The following PCDHA9 variants were observed in gnomAD, a reference collection of about 807,000 sequenced individuals.
PCDHA9 encodes the protein protocadherin alpha-9.
A neutral mutation model predicts 62.0 loss-of-function variants in PCDHA9; 62 were observed. The ratio of observed to expected loss-of-function variants is 1.00; its 90% CI spans 0.81 to 1.23. The LOEUF (loss-of-function observed/expected upper bound fraction) is 1.23. PCDHA9 is among the 50% of genes most tolerant of loss of function. PCDHA9 has a pLI of 0.00. For synonymous variants in PCDHA9, 557 were observed against 567.6 expected, an observed-to-expected ratio of 0.98 and a Z score of 0.27; for missense variants, 1,205 against 1,249.8, an observed-to-expected ratio of 0.96 and a Z score of 0.54.
intron 1 of PCDHA9, among the ~76,000 whole-genome samples, chr5:140,932,733 C>A (rs2088585680): frequency 1.3e-5 from 2 of 151,034 alleles, no homozygotes; most frequent in Admixed American, 6.6e-5. Context: ...TAATATAGAC[C>A]CTCAAATCAG....
chr5:140,943,357 A>G (rs974685573), intron 1 of PCDHA9, among the ~76,000 whole-genome samples: 3 of 152,026 alleles, frequency 2.0e-5, no homozygotes, highest in Non-Finnish European at 4.4e-5. Flanking sequence ...AGTAGAGGAA[A>G]GGAGATCATT....
intron 1 of PCDHA9, among the ~76,000 whole-genome samples, chr5:140,908,402 T>C (rs2073951162): frequency 6.6e-6 from 1 of 152,166 alleles, no homozygotes; most frequent in Non-Finnish European, 1.5e-5. Flanking sequence ...TATATACCAC[T>C]TCCATTTGAT....
intron 1 of PCDHA9, among the ~76,000 whole-genome samples, chr5:140,924,429 A>G (rs1331551212): frequency 6.6e-6 from 1 of 152,184 alleles, no homozygotes; most frequent in Non-Finnish European, 1.5e-5. Flanking sequence ...CTAGTTCCCT[A>G]GAAGAGATAA....
intron 1 of PCDHA9, among the ~76,000 whole-genome samples, chr5:140,950,426 AC>A (rs386419652): frequency 1.3e-5 from 2 of 151,870 alleles, no homozygotes; most frequent in Admixed American, 6.6e-5. Flanking sequence ...ATTTTCTTCC[AC>A]TTAAAAAAAA....
chr5:140,878,890 T>C (rs1219933788), intron 1 of PCDHA9, among the ~76,000 whole-genome samples: 1 of 152,242 alleles, frequency 6.6e-6, no homozygotes, highest in East Asian at 1.9e-4. Flanking sequence ...TAGCTGAGAC[T>C]ACAGGCAGGC....
rs1554158025 is a variant in PCDHA9, at chr5:140,863,249, T to G, written c.2394+12360T>G. On this transcript the variant is annotated intron_variant, in intron 1 of 3. Transcript: ENST00000532602. ...GTCCCATCGCGGGCTTTGGCGGGCGTCGAGGTCCGGGAGGCAGCGCTGGTG... is the reference window on the plus strand; with the variant it reads ...GTCCCATCGCGGGCTTTGGCGGGCGGCGAGGTCCGGGAGGCAGCGCTGGTG... The G allele has an allele frequency of 2.8e-6, 4 of 1,406,824 alleles. No homozygotes were observed. In the Admixed American group the frequency reaches 7.2e-5, roughly 25 times the overall value. The allele number at this position is 1,406,824 out of a possible 1,614,324, so 87.1% of individuals were successfully genotyped here.
At chr5:140,871,279 C>G in intron 1 of PCDHA9, 2 of 1,613,946 alleles carry the variant, frequency 1.2e-6, no homozygotes, top group Non-Finnish European at 1.7e-6. Flanking sequence ...GTCGGCAACG[C>G]CCACTGAGGG....
At chr5:140,930,003 A>G (rs1440351209) in intron 1 of PCDHA9, 1 of 152,218 alleles carries the variant, frequency 6.6e-6, no homozygotes, top group Non-Finnish European at 1.5e-5. Flanking sequence ...ACCCTAAAAC[A>G]TAGCTGATAG....
chr5:140,950,914 T>G (rs1198787949), intron 1 of PCDHA9, among the ~76,000 whole-genome samples: 1 of 152,044 alleles, frequency 6.6e-6, no homozygotes, highest in Non-Finnish European at 1.5e-5. Context: ...TTTATTTTAT[T>G]TCAGTTCTTT....
chr5:140,966,930 G>A (rs1554228913), intron 1 of PCDHA9: 1 of 1,603,704 alleles, frequency 6.2e-7, no homozygotes, highest in Middle Eastern at 1.7e-4. Flanking sequence ...CAGGCACCCG[G>A]CGCGCTCGTG....
At chr5:140,870,810 T>C in intron 1 of PCDHA9, 2 of 1,613,710 alleles carry the variant, frequency 1.2e-6, no homozygotes, top group South Asian at 1.1e-5. Context: ...CGACTCAGGC[T>C]GGCAGCGCGG....
chr5:140,939,349 TA>T (rs1233387801), intron 1 of PCDHA9, among the ~76,000 whole-genome samples: 4 of 152,154 alleles, frequency 2.6e-5, no homozygotes, highest in Admixed American at 6.5e-5. Context: ...CATTTCAACT[TA>T]TGATTGCAAA....
intron 1 of PCDHA9, chr5:140,869,664 G>A (rs1554163333): frequency 5.0e-6 from 8 of 1,613,474 alleles, no homozygotes; most frequent in Non-Finnish European, 6.8e-6. Flanking sequence ...CAAATGGTAA[G>A]CAGATTAAAA....
intron 1 of PCDHA9, among the ~76,000 whole-genome samples, chr5:140,893,065 A>G (rs2063802609): frequency 6.6e-6 from 1 of 152,226 alleles, no homozygotes; most frequent in South Asian, 2.1e-4. Context: ...TACTGCCATG[A>G]ATAACAGGAT....
intron 3 of PCDHA9, among the ~76,000 whole-genome samples, chr5:141,005,772 G>A (rs1554260355): frequency 6.9e-6 from 1 of 144,526 alleles, no homozygotes; most frequent in South Asian, 2.2e-4. Flanking sequence ...CAAACCAGAT[G>A]TGTAAAGATC....
intron 1 of PCDHA9, among the ~76,000 whole-genome samples, chr5:140,920,909 C>A (rs2079923809): frequency 6.6e-6 from 1 of 151,058 alleles, no homozygotes; most frequent in Admixed American, 6.6e-5. Context: ...GTTCTCAAAT[C>A]AGTTCCAAGA....
At chr5:140,951,941 C>T (rs576414648) in intron 1 of PCDHA9, among the ~76,000 whole-genome samples, 8 of 152,220 alleles carry the variant, frequency 5.3e-5, no homozygotes, top group African/African-American at 1.4e-4. Flanking sequence ...AGATACAGTG[C>T]GGGTACAGGC....
chr5:140,967,997 C>T (rs551685820), intron 1 of PCDHA9: 1 of 1,614,102 alleles, frequency 6.2e-7, no homozygotes, highest in Non-Finnish European at 8.5e-7. Flanking sequence ...ACTGCCTTTC[C>T]GACTGAATGG....
At chr5:140,858,157 C>G in intron 1 of PCDHA9, 1 of 1,597,628 alleles carries the variant, frequency 6.3e-7, no homozygotes, top group Non-Finnish European at 8.6e-7. Flanking sequence ...TCGCCATCTG[C>G]GCGGTGTCCA....
Sources: gnomAD v4.1 joint callset for allele counts (sites outside exome capture counted in the v4.1 genomes callset) on GRCh38, gnomAD v4.1.1 for gene constraint, MANE v1.5 for transcripts, NCBI Gene and HGNC (gene_info 2026-07-23, HGNC 2026-07-21) for gene names.